SLC39A11: variants seen among roughly 807,000 people sequenced by gnomAD.
SLC39A11 encodes the protein solute carrier family 39 member 11.
SLC39A11 carries 33 observed loss-of-function variants against 36.1 expected under a neutral mutation model. The observed-to-expected ratio is 0.91, with a 90% CI of 0.69 to 1.22. The LOEUF (loss-of-function observed/expected upper bound fraction) is 1.22, where lower values mean the gene tolerates loss of function less well. SLC39A11 is among the 50% of genes most tolerant of loss of function. The pLI is 0.00. For missense variants in SLC39A11, 432 were observed against 430.3 expected (o/e 1.00, Z -0.03); for synonymous variants, 166 against 170.3 (o/e 0.97, Z 0.20).
intron 4 of SLC39A11, among the ~76,000 whole-genome samples, chr17:72,986,207 C>T (rs950323313): frequency 6.6e-6 from 1 of 152,072 alleles, no homozygotes; most frequent in African/African-American, 2.4e-5. Context: ...CAGTTCACTC[C>T]CCAGTAAGAC....
At chr17:72,662,726 G>A (rs2070522717) in intron 7 of SLC39A11, among the ~76,000 whole-genome samples, 2 of 127,610 alleles carry the variant, frequency 1.6e-5, no homozygotes, top group Non-Finnish European at 3.2e-5. Context: ...AAGAAAGAGA[G>A]AGAGAGAAAG....
At chr17:72,660,490 G>A (rs2070361558) in intron 7 of SLC39A11, among the ~76,000 whole-genome samples, 1 of 152,178 alleles carries the variant, frequency 6.6e-6, no homozygotes, top group African/African-American at 2.4e-5. Flanking sequence ...TTGTGGAGCT[G>A]GGAAGTGACA....
intron 4 of SLC39A11, among the ~76,000 whole-genome samples, chr17:72,995,597 G>A (rs2089456969): frequency 6.6e-6 from 1 of 152,186 alleles, no homozygotes; most frequent in African/African-American, 2.4e-5. Context: ...GGCCTGAATA[G>A]AACAAAAAGG....
At chr17:72,745,053 G>C (rs189566527) in intron 6 of SLC39A11, among the ~76,000 whole-genome samples, 199 of 151,916 alleles carry the variant, frequency 1.3e-3, no homozygotes, top group African/African-American at 3.5e-3. Flanking sequence ...TGTTGGCCAG[G>C]CTGGTCTTGA....
intron 5 of SLC39A11, among the ~76,000 whole-genome samples, chr17:72,944,950 A>C (rs2085337807): frequency 6.6e-6 from 1 of 152,182 alleles, no homozygotes; most frequent in Admixed American, 6.5e-5. Context: ...TGTGTCTGAG[A>C]TGGGGGGACT....
intron 4 of SLC39A11, among the ~76,000 whole-genome samples, chr17:72,988,982 G>A (rs2088967633): frequency 6.6e-6 from 1 of 152,144 alleles, no homozygotes; most frequent in African/African-American, 2.4e-5. Flanking sequence ...AAGCCGAGGA[G>A]GGCACATCAC....
intron 3 of SLC39A11, among the ~76,000 whole-genome samples, chr17:73,048,053 T>C (rs1020317116): frequency 1.4e-5 from 2 of 141,758 alleles, no homozygotes; most frequent in African/African-American, 5.2e-5. Flanking sequence ...GTGCCAACCT[T>C]TACATTTAGA....
chr17:72,812,521 A>C (rs1234632722), intron 6 of SLC39A11, among the ~76,000 whole-genome samples: 1 of 152,344 alleles, frequency 6.6e-6, no homozygotes, highest in South Asian at 2.1e-4. Flanking sequence ...AGCAACTTAA[A>C]AGTAATTCTT....
At chr17:72,792,258 G>T (rs917575791) in intron 6 of SLC39A11, among the ~76,000 whole-genome samples, 9 of 152,242 alleles carry the variant, frequency 5.9e-5, no homozygotes, top group African/African-American at 1.7e-4. Flanking sequence ...GTGCAAGGCA[G>T]GTTCTGTAGT....
At chr17:72,672,585 T>C (rs1161315064) in intron 7 of SLC39A11, among the ~76,000 whole-genome samples, 19 of 152,064 alleles carry the variant, frequency 1.2e-4, no homozygotes, top group Non-Finnish European at 5.9e-5. Flanking sequence ...CTCCTGTTTG[T>C]TTTGTTTTTG....
intron 5 of SLC39A11, among the ~76,000 whole-genome samples, chr17:72,861,740 T>TTTTATA (rs1315718643): frequency 4.5e-5 from 3 of 67,346 alleles, no homozygotes; most frequent in African/African-American, 1.5e-4. Flanking sequence ...ACATTGGAGA[T>TTTTATA]TATATATATA....
At chr17:72,888,024 C>A (rs2081523589) in intron 5 of SLC39A11, among the ~76,000 whole-genome samples, 1 of 152,196 alleles carries the variant, frequency 6.6e-6, no homozygotes, top group Non-Finnish European at 1.5e-5. Context: ...GTCATTATTT[C>A]TAAAAACAAA....
chr17:72,972,988 C>T (rs2087565900), intron 4 of SLC39A11, among the ~76,000 whole-genome samples: 1 of 151,776 alleles, frequency 6.6e-6, no homozygotes, highest in Non-Finnish European at 1.5e-5. Flanking sequence ...TGACCAGCTC[C>T]TTCAACCGAG....
chr17:72,991,872 T>G (rs1598752129), intron 4 of SLC39A11, among the ~76,000 whole-genome samples: 1 of 152,366 alleles, frequency 6.6e-6, no homozygotes, highest in East Asian at 1.9e-4. Flanking sequence ...AACTGCTTTG[T>G]CATGGGATAT....
intron 6 of SLC39A11, among the ~76,000 whole-genome samples, chr17:72,741,714 G>A (rs553876463): frequency 1.3e-5 from 2 of 152,156 alleles, no homozygotes; most frequent in Non-Finnish European, 2.9e-5. Flanking sequence ...GATCAGAGAG[G>A]GAAGGTGATG....
intron 7 of SLC39A11, among the ~76,000 whole-genome samples, chr17:72,690,150 G>A: frequency 6.6e-6 from 1 of 152,220 alleles, no homozygotes. Context: ...TGGTGGCGGG[G>A]CTCAAGAGCC....
intron 4 of SLC39A11, among the ~76,000 whole-genome samples, chr17:72,957,019 C>A (rs2086282569): frequency 6.6e-6 from 1 of 151,992 alleles, no homozygotes; most frequent in Admixed American, 6.6e-5. Context: ...ATGCACCTGG[C>A]AGCCAGCAGG....
intron 5 of SLC39A11, among the ~76,000 whole-genome samples, chr17:72,850,879 T>C (rs2079277911): frequency 6.6e-6 from 1 of 152,172 alleles, no homozygotes; most frequent in African/African-American, 2.4e-5. Flanking sequence ...CCTGCTCTCC[T>C]GGTCACACTG....
rs869131230 is a variant in SLC39A11 at position 72,676,102 on chromosome 17, A to ACACACACACT, written c.672-26835_672-26834insAGTGTGTGTG. ...CACACACACACACACACACACACAC[A>ACACACACACT]CTTGCTGTATTAAAGCAACTCTCTT... On this transcript the variant is annotated intron_variant, in intron 7 of 9. Transcript: ENST00000255559. 3.7e-3 allele frequency among the ~76,000 whole-genome samples: 554 copies of ACACACACACT among 151,098 alleles called. 3 individuals carry two copies. The highest frequency in any genetic ancestry group is 7.8e-3 in the Admixed American group (118 of 15,176).
Sources: allele counts gnomAD v4.1 joint callset (sites outside exome capture counted in the v4.1 genomes callset), GRCh38; gene constraint gnomAD v4.1.1; transcripts MANE v1.5; gene names NCBI Gene and HGNC (gene_info 2026-07-23, HGNC 2026-07-21).